Variants in TBCD observed in about 807,000 individuals in gnomAD.
TBCD encodes tubulin folding cofactor D, also known as tubulin-specific chaperone D.
Under a neutral mutation model 169.3 loss-of-function variants are expected in TBCD, and 105 were observed. That is an observed-to-expected ratio of 0.62 (90% CI 0.53 to 0.73). TBCD has a LOEUF of 0.73. Among genes scored for constraint, TBCD ranks in the 30% least tolerant of loss-of-function variants. The pLI is 0.00. For missense variants in TBCD, 1,444 were observed against 1,600.1 expected (o/e 0.90, Z 1.66); for synonymous variants, 700 against 643.9 (o/e 1.09, Z -1.32).
At chr17:82,886,530 GAGA>G (rs1230014453) in intron 15 of TBCD, among the ~76,000 whole-genome samples, 1 of 150,624 alleles carries the variant, frequency 6.6e-6, no homozygotes, top group Non-Finnish European at 1.5e-5. Flanking sequence ...ACATTTAACT[GAGA>G]AGATTTTAAA....
chr17:82,853,368 G>C (rs371364945), intron 13 of TBCD, among the ~76,000 whole-genome samples: 2 of 149,764 alleles, frequency 1.3e-5, no homozygotes, highest in African/African-American at 4.9e-5. Context: ...GGGATTACAG[G>C]CTTGAGCCAC....
intron 20 of TBCD, 110 bp downstream of exon 20, chr17:82,906,163 T>C: frequency 1.2e-6 from 1 of 845,246 alleles, no homozygotes; most frequent in Non-Finnish European, 1.9e-6. Flanking sequence ...CATTTTTGTT[T>C]ATCTGCACCA....
intron 17 of TBCD, among the ~76,000 whole-genome samples, chr17:82,897,194 G>A (rs2059547952): frequency 6.6e-6 from 1 of 151,890 alleles, no homozygotes; most frequent in Admixed American, 6.6e-5. Flanking sequence ...TCAGTATCCT[G>A]TATATTCCTA....
At chr17:82,804,360 G>A (rs1342227410) in intron 9 of TBCD, among the ~76,000 whole-genome samples, 3 of 152,012 alleles carry the variant, frequency 2.0e-5, no homozygotes, top group Admixed American at 1.3e-4. Flanking sequence ...GAATCTTGAC[G>A]TGGCTCAGCT....
In TBCD at chr17:82,876,496, G is replaced by A. The variant is rs371436820; in HGVS notation, c.1475+6116G>A. ...GGTGTCCTGTTGGAGTAGTCCTTTA[G>A]GAAGGAGCTTTTATATTTATATTTA... On this transcript the variant is annotated intron_variant, in intron 14 of 38. Transcript: ENST00000355528. Among the ~76,000 whole-genome samples, 54 of 152,338 alleles carry A rather than the reference G, an allele frequency of 3.5e-4. 1 individual carries two copies. The highest frequency in any genetic ancestry group is 1.3e-3 in the African/African-American group (53 of 41,580).
chr17:82,775,131 C>G (rs2048508740), intron 6 of TBCD, among the ~76,000 whole-genome samples: 1 of 152,188 alleles, frequency 6.6e-6, no homozygotes, highest in African/African-American at 2.4e-5. Context: ...CGGGCGGACT[C>G]CCGGCGAGAC....
Position 82,889,700 on chromosome 17 carries a change from A to G in TBCD, c.1563+3A>G. 2 of 1,613,478 alleles carry G rather than the reference A, an allele frequency of 1.2e-6. No homozygotes were observed. The highest frequency in any genetic ancestry group is 1.1e-5 in the South Asian group (1 of 91,026). ...TCCAGGAGAATGTGGGGAGACAGGT[A>G]TGGCTGCTTTCAAACACCTTTATTC... is the stretch of plus-strand genomic sequence containing the variant. On this transcript the variant is annotated splice_donor_region_variant and intron_variant, in intron 16 of 38. Coordinates refer to ENST00000355528, the MANE Select transcript of TBCD (RefSeq NM_005993.5). The surrounding 1 kb of genome is among the most constrained non-coding windows in gnomAD (Gnocchi z 5.3).
chr17:82,910,311 C>T (rs2146912967), intron 22 of TBCD, among the ~76,000 whole-genome samples: 1 of 152,326 alleles, frequency 6.6e-6, no homozygotes, highest in African/African-American at 2.4e-5. Flanking sequence ...GTAGAGGCCT[C>T]TCGCTGCTGC....
Position 82,879,311 on chromosome 17 carries a change from C to T in TBCD, c.1476-4834C>T, listed in dbSNP as rs936598308. The stretch of plus-strand genomic sequence containing the variant: ...TTCACAGTCCATGTTTGCACAGACA[C>T]CAGCTCTAGCCCAGCTTCCTCCTGG... On this transcript the variant is annotated intron_variant, in intron 14 of 38. Coordinates refer to ENST00000355528, the MANE Select transcript of TBCD (RefSeq NM_005993.5). Among the ~76,000 whole-genome samples the T allele has an allele frequency of 2.0e-5, 3 of 152,082 alleles. No homozygotes were observed. The South Asian group carries it at 6.2e-4, about 32-fold the overall frequency.
chr17:82,829,894 T>C (rs1411895651), intron 13 of TBCD: 12 of 581,108 alleles, frequency 2.1e-5, no homozygotes, highest in Non-Finnish European at 3.0e-6. Context: ...GACTTGAAAA[T>C]ACATATCAGT....
chr17:82,812,055 G>A (rs1461818834), intron 12 of TBCD, among the ~76,000 whole-genome samples: 2 of 152,122 alleles, frequency 1.3e-5, no homozygotes, highest in African/African-American at 4.8e-5. Context: ...AGGACCTGGG[G>A]CCCCCTCCTG....
rs889390826 is a variant in TBCD at position 82,922,327 on chromosome 17, C to T, written c.2178+750C>T. Among the ~76,000 whole-genome samples, 1 of 152,112 alleles carries T rather than the reference C, an allele frequency of 6.6e-6. No homozygotes were observed. Among genetic ancestry groups the T allele is most frequent in the African/African-American group, 2.4e-5 (1 of 41,402 alleles). ...AGTGAACCGAGATCACGCCATTGCACTCCAGCCTGGGTGACAAGAGCAAGA... is the reference window on the plus strand; with the variant it reads ...AGTGAACCGAGATCACGCCATTGCATTCCAGCCTGGGTGACAAGAGCAAGA... On this transcript the variant is annotated intron_variant, in intron 25 of 38. Coordinates refer to ENST00000355528, the MANE Select transcript of TBCD (RefSeq NM_005993.5). The surrounding 1 kb of genome is among the most constrained non-coding windows in gnomAD (Gnocchi z 4.1).
intron 4 of TBCD, 69 bp downstream of exon 4, chr17:82,766,437 C>T: frequency 2.0e-6 from 2 of 989,730 alleles, no homozygotes; most frequent in South Asian, 1.4e-5. Flanking sequence ...CTTGCCCCAC[C>T]CTGCTGCACC....
intron 6 of TBCD, among the ~76,000 whole-genome samples, chr17:82,781,198 G>T (rs2048923610): frequency 6.6e-6 from 1 of 151,802 alleles, no homozygotes; most frequent in South Asian, 2.1e-4. Context: ...CGTGGGCACG[G>T]TGTCCTGAGG....
intron 13 of TBCD, among the ~76,000 whole-genome samples, chr17:82,817,610 AAT>A: frequency 6.6e-6 from 1 of 152,124 alleles, no homozygotes; most frequent in East Asian, 1.9e-4. Flanking sequence ...ATGCCTGGCT[AAT>A]TAAAAAAGTT....
chr17:82,940,217 G>GTGCACACACACA (rs1555672896), intron 37 of TBCD, among the ~76,000 whole-genome samples: 1 of 101,382 alleles, frequency 9.9e-6, no homozygotes, highest in Non-Finnish European at 2.2e-5. Flanking sequence ...TCACTTGCAC[G>GTGCACACACACA]CGCGCACACA....
chr17:82,887,131 C>CTCTGTGTGTGTG (rs1555632222), intron 15 of TBCD, among the ~76,000 whole-genome samples: 15 of 123,364 alleles, frequency 1.2e-4, no homozygotes, highest in African/African-American at 3.4e-4. Flanking sequence ...TACCTGTACT[C>CTCTGTGTGTGTG]TGTGTGTGTG....
At position 82,864,812 on chromosome 17, in the gene TBCD, C is replaced by T. The variant is rs1186211341; in HGVS notation, c.1319-5412C>T. ...AGCACAGGAAGGGCTGGGATCACCA[C>T]TCCCCGGGGCACCGTGGGGACAGCG... On this transcript the variant is annotated intron_variant, in intron 13 of 38. Coordinates refer to ENST00000355528, the MANE Select transcript of TBCD (RefSeq NM_005993.5). This position sits in a 1 kb window ranked among gnomAD's most constrained non-coding sequence, Gnocchi z 6.3. 8.7e-6 allele frequency among the ~76,000 whole-genome samples: 1 copy of T among 114,658 alleles called. No individual in the cohort carries two copies. The highest frequency in any genetic ancestry group is 3.2e-5 in the African/African-American group (1 of 31,670). 75.2% of individuals were successfully genotyped at this position (114,658 alleles called of 152,430 possible).
chr17:82,845,608 G>A lies in TBCD; in HGVS notation c.1319-24616G>A, dbSNP rs147419732. 1.6e-3 allele frequency among the ~76,000 whole-genome samples: 236 copies of A among 151,328 alleles called. 1 individual carries two copies. The highest frequency in any genetic ancestry group is 5.4e-3 in the African/African-American group (223 of 41,270). The stretch of plus-strand genomic sequence containing the variant: ...TGGCCTGGCCCCTTGCTCTCCCTCC[G>A]TCCTGTCCGGCTCAGCCCTTTCCTC... On this transcript the variant is annotated intron_variant, in intron 13 of 38. Coordinates refer to ENST00000355528, the MANE Select transcript of TBCD (RefSeq NM_005993.5).
Sources: allele counts gnomAD v4.1 joint callset (sites outside exome capture counted in the v4.1 genomes callset), GRCh38; gene constraint gnomAD v4.1.1; non-coding constraint Gnocchi (gnomAD v3.1); transcripts MANE v1.5; gene names NCBI Gene and HGNC (gene_info 2026-07-23, HGNC 2026-07-21).